Variants in SORBS2 observed in about 807,000 individuals in gnomAD.
SORBS2 encodes sorbin and SH3 domain-containing protein 2.
SORBS2 carries 46 observed loss-of-function variants against 97.7 expected under a neutral mutation model. That is an observed-to-expected ratio of 0.47 (90% CI 0.37 to 0.60). The LOEUF is 0.60. Ranked by LOEUF, SORBS2 falls within the 20% of genes least tolerant of loss-of-function variation. The probability of loss-of-function intolerance (pLI) is 0.00; values close to 1 mark genes in which losing one functional copy is unlikely to be tolerated. For synonymous variants in SORBS2, 476 were observed against 473.4 expected (o/e 1.01, Z -0.07); for missense variants, 1,316 against 1,282.3 (o/e 1.03, Z -0.40).
At position 185,696,047 on chromosome 4, in the gene SORBS2, A is replaced by G. The variant is rs1013681978; in HGVS notation, c.-197-17225T>C. On this transcript the variant is annotated intron_variant, in intron 2 of 20. Coordinates refer to the SORBS2 transcript ENST00000284776. ...AGGAGCCGAATTACCCGCGGCATCTATTTATCTATGCTGAGGCCAGAACAC... is the reference window on the plus strand; with the variant it reads ...AGGAGCCGAATTACCCGCGGCATCTGTTTATCTATGCTGAGGCCAGAACAC... 5.9e-5 allele frequency among the ~76,000 whole-genome samples: 9 copies of G among 152,216 alleles called. 1 individual carries two copies. In the South Asian group the frequency reaches 6.2e-4, roughly 10 times the overall value.
intron 1 of SORBS2, among the ~76,000 whole-genome samples, chr4:185,862,610 T>G (rs1298225049): frequency 9.2e-5 from 14 of 152,226 alleles, no homozygotes; most frequent in Non-Finnish European, 1.5e-5. Flanking sequence ...AACTCTTAGC[T>G]CACTGAAGGC....
intron 4 of SORBS2, chr4:185,646,407 A>ACG: frequency 3.2e-6 from 1 of 314,400 alleles, no homozygotes; most frequent in East Asian, 4.9e-5. Flanking sequence ...ATACACCTGC[A>ACG]TGTGTGTGTG....
At chr4:185,775,279 T>C (rs567950751) in exon 2 of SORBS2, 1 of 152,720 alleles carries the variant, frequency 6.5e-6, no homozygotes, top group East Asian at 1.9e-4. Flanking sequence ...TAGGAGTCAG[T>C]GGCCTTTTAC....
intron 4 of SORBS2, among the ~76,000 whole-genome samples, chr4:185,631,106 C>T (rs1353373385): frequency 2.6e-5 from 4 of 152,130 alleles, no homozygotes; most frequent in Non-Finnish European, 2.9e-5. Context: ...ACTTAAGACA[C>T]CATTCATCTG....
In SORBS2 at chr4:185,623,800, C is replaced by T. The variant is rs1002126668; in HGVS notation, c.1329G>A (p.Pro443=). The T allele has an allele frequency of 6.2e-7, 1 of 1,614,014 alleles. No individual in the cohort carries two copies. Among genetic ancestry groups the T allele is most frequent in the Non-Finnish European group, 8.5e-7 (1 of 1,179,998 alleles). ...GCCTCTTGGGACATAGGCCATTTTG[C>T]GGTGGTTCTAGGGTTACGGGAGACA... The change falls in exon 7 of 15, where the codon CCG becomes CCA. Residue 443 remains proline (P), a synonymous_variant. Coordinates refer to ENST00000418609, the Ensembl canonical transcript of SORBS2. This position sits in a 1 kb window ranked among gnomAD's most constrained non-coding sequence, Gnocchi z 6.4.
At chr4:185,917,954 C>A (rs1350441342) in intron 1 of SORBS2, among the ~76,000 whole-genome samples, 1 of 152,084 alleles carries the variant, frequency 6.6e-6, no homozygotes, top group African/African-American at 2.4e-5. Context: ...GTCAAGACTT[C>A]CATGTATTAT....
In SORBS2 at chr4:185,738,962, A is replaced by G. The variant is rs541069572; in HGVS notation, c.-198+36265T>C. 2.0e-5 allele frequency among the ~76,000 whole-genome samples: 3 copies of G among 152,334 alleles called. No homozygotes were observed. In the South Asian group the frequency reaches 6.2e-4, roughly 32 times the overall value. On this transcript the variant is annotated intron_variant, in intron 2 of 20. Transcript: ENST00000284776. Reference sequence around the variant, plus strand: ...GGGGACCCTCTGGGTTCCATTCTCTATTTGCATAGTTAGCTGGAGTTAGAA... The same window carrying G: ...GGGGACCCTCTGGGTTCCATTCTCTGTTTGCATAGTTAGCTGGAGTTAGAA...
exon 4 of SORBS2, chr4:185,646,763 C>T (rs1300054513): frequency 6.2e-7 from 1 of 1,609,588 alleles, no homozygotes; most frequent in Non-Finnish European, 8.5e-7. Flanking sequence ...ACTTTTCTGT[C>T]TGGAGGATCC....
chr4:185,786,727 C>T lies in SORBS2; in HGVS notation c.-337-11361G>A, dbSNP rs182506023. ...CTGTAATCCCAGCATTTTGGGAGGC[C>T]GGGGCGAGCAAATCACTTGAGGTCA... is the stretch of plus-strand genomic sequence containing the variant. On this transcript the variant is annotated intron_variant, in intron 1 of 20. Coordinates refer to the SORBS2 transcript ENST00000284776. 6.6e-5 allele frequency among the ~76,000 whole-genome samples: 10 copies of T among 152,202 alleles called. No homozygotes were observed. In the East Asian group the frequency reaches 1.7e-3, roughly 26 times the overall value.
chr4:185,618,075 C>T (rs1033128039), intron 9 of SORBS2, among the ~76,000 whole-genome samples: 12 of 152,140 alleles, frequency 7.9e-5, no homozygotes, highest in Non-Finnish European at 1.2e-4. Context: ...CCCGGTGAAG[C>T]GATCCTTTTG....
intron 1 of SORBS2, among the ~76,000 whole-genome samples, chr4:185,782,517 A>G (rs544186537): frequency 6.6e-6 from 1 of 152,330 alleles, no homozygotes; most frequent in African/African-American, 2.4e-5. Flanking sequence ...GTATTTGTCT[A>G]TATATTGCCT....
intron 4 of SORBS2, chr4:185,677,655 A>G: frequency 6.8e-7 from 1 of 1,471,650 alleles, no homozygotes; most frequent in South Asian, 1.4e-5. Flanking sequence ...TGACAATGGG[A>G]TCCAGAGAAA....
intron 2 of SORBS2, among the ~76,000 whole-genome samples, chr4:185,705,026 A>G (rs1219394455): frequency 6.6e-6 from 1 of 152,238 alleles, no homozygotes; most frequent in Non-Finnish European, 1.5e-5. Flanking sequence ...AACGTGAGAG[A>G]AAAAGCAGTG....
intron 2 of SORBS2, 139 bp downstream of exon 10, chr4:185,652,523 C>T (rs1276944456): frequency 4.3e-6 from 3 of 705,658 alleles, no homozygotes; most frequent in African/African-American, 1.8e-5. Context: ...AGAAGGAGAA[C>T]AGGAGGCATG....
chr4:185,623,721 G>A lies in SORBS2; in HGVS notation c.1408C>T (p.Arg470Trp), dbSNP rs768984472. 8.1e-6 allele frequency: 13 copies of A among 1,613,898 alleles called. No homozygotes were observed. The highest frequency in any genetic ancestry group is 1.0e-5 in the Non-Finnish European group (12 of 1,180,002). Residue 470 changes from arginine to tryptophan, a missense_variant, in exon 7 of 15, where the codon CGG becomes TGG. Coordinates refer to ENST00000418609, the Ensembl canonical transcript of SORBS2. This position sits in a 1 kb window ranked among gnomAD's most constrained non-coding sequence, Gnocchi z 6.4. ...TTAGACTGGCAGCCTCGCCGGCCCCGAGCGGGGGGGCCGCTTTGATTTTCT... is the reference window on the plus strand; with the variant it reads ...TTAGACTGGCAGCCTCGCCGGCCCCAAGCGGGGGGGCCGCTTTGATTTTCT...
intron 2 of SORBS2, among the ~76,000 whole-genome samples, chr4:185,689,213 C>T (rs2098041130): frequency 6.6e-6 from 1 of 152,130 alleles, no homozygotes. Context: ...AATCAGCACT[C>T]AGTAAAATGA....
At chr4:185,783,730 TC>T (rs1042763572) in intron 1 of SORBS2, among the ~76,000 whole-genome samples, 6 of 152,324 alleles carry the variant, frequency 3.9e-5, no homozygotes, top group African/African-American at 1.4e-4. Flanking sequence ...CATTTTGGTT[TC>T]AGGCAGAGAG....
intron 1 of SORBS2, among the ~76,000 whole-genome samples, chr4:185,823,436 G>A (rs1356772555): frequency 6.6e-6 from 1 of 152,098 alleles, no homozygotes. Context: ...AAGACAGGAG[G>A]TACACTCAAC....
At chr4:185,624,088 G>A in exon 7 of SORBS2, 1 of 1,614,180 alleles carries the variant, frequency 6.2e-7, no homozygotes, top group South Asian at 1.1e-5. Context: ...GGGCGTTGCG[G>A]GCTGACCTGT....
Sources: gnomAD v4.1 joint callset for allele counts (sites outside exome capture counted in the v4.1 genomes callset) on GRCh38, gnomAD v4.1.1 for gene constraint, Gnocchi (gnomAD v3.1) non-coding constraint, MANE v1.5 for transcripts, NCBI Gene and HGNC (gene_info 2026-07-23, HGNC 2026-07-21) for gene names.